GMDS: variants seen among roughly 807,000 people sequenced by gnomAD.
GMDS encodes the protein GDP-mannose 4,6-dehydratase, also known as GDP-mannose 4,6 dehydratase.
Under a neutral mutation model 49.9 loss-of-function variants are expected in GMDS, and 20 were observed. That is an observed-to-expected ratio of 0.40 (90% CI 0.28 to 0.58). The LOEUF is 0.58. Ranked by LOEUF, GMDS falls within the 20% of genes least tolerant of loss-of-function variation. GMDS has a pLI of 0.42. For missense variants in GMDS, 362 were observed against 481.4 expected, an observed-to-expected ratio of 0.75 and a Z score of 2.32; for synonymous variants, 177 against 178.6, an observed-to-expected ratio of 0.99 and a Z score of 0.07.
chr6:1,805,803 T>TA (rs573172964), intron 7 of GMDS, among the ~76,000 whole-genome samples: 10 of 152,226 alleles, frequency 6.6e-5, no homozygotes, highest in Admixed American at 2.0e-4. Flanking sequence ...ATAACCCACA[T>TA]AAGCAAAAGT....
At chr6:1,965,752 G>T (rs2628453) in intron 4 of GMDS, among the ~76,000 whole-genome samples, 1 of 152,132 alleles carries the variant, frequency 6.6e-6, no homozygotes. Flanking sequence ...AGGATTACTC[G>T]AACCCAGGAG....
At chr6:1,655,539 G>A (rs1413958489) in intron 9 of GMDS, among the ~76,000 whole-genome samples, 8 of 146,800 alleles carry the variant, frequency 5.4e-5, no homozygotes, top group African/African-American at 7.5e-5. Flanking sequence ...TTTTTGAGAC[G>A]GAGTCTCGCT....
intron 1 of GMDS, among the ~76,000 whole-genome samples, chr6:2,138,403 T>C (rs1010570949): frequency 6.6e-6 from 1 of 152,230 alleles, no homozygotes; most frequent in Non-Finnish European, 1.5e-5. Context: ...CTCTCCATCT[T>C]AAACTGGCTT....
intron 7 of GMDS, among the ~76,000 whole-genome samples, chr6:1,908,755 G>T (rs547579594): frequency 4.6e-5 from 7 of 152,290 alleles, no homozygotes; most frequent in Middle Eastern, 3.4e-3. Flanking sequence ...TGTTTGCTCA[G>T]ACAGCTGGAC....
At chr6:1,780,451 C>T (rs1769031891) in intron 7 of GMDS, among the ~76,000 whole-genome samples, 1 of 152,226 alleles carries the variant, frequency 6.6e-6, no homozygotes, top group South Asian at 2.1e-4. Flanking sequence ...CCCACAGCTT[C>T]CTGAGAGCGC....
chr6:1,873,401 G>C (rs2113807150), intron 7 of GMDS, among the ~76,000 whole-genome samples: 1 of 152,248 alleles, frequency 6.6e-6, no homozygotes, highest in South Asian at 2.1e-4. Flanking sequence ...GAAGAAGAGT[G>C]CAATGCCACA....
chr6:1,853,805 C>A (rs926639427), intron 7 of GMDS, among the ~76,000 whole-genome samples: 12 of 152,160 alleles, frequency 7.9e-5, no homozygotes, highest in Non-Finnish European at 1.8e-4. Flanking sequence ...TATATCAATT[C>A]TATGTGGATC....
chr6:2,106,958 A>T (rs1395254745), intron 4 of GMDS, among the ~76,000 whole-genome samples: 1 of 152,172 alleles, frequency 6.6e-6, no homozygotes, highest in African/African-American at 2.4e-5. Context: ...AGAAATTAAT[A>T]TTGTGGTAAA....
intron 7 of GMDS, among the ~76,000 whole-genome samples, chr6:1,748,903 T>C (rs998638106): frequency 7.2e-5 from 11 of 152,380 alleles, no homozygotes; most frequent in Admixed American, 7.2e-4. Flanking sequence ...TGTTTGCTTA[T>C]GTTCCTTTTC....
intron 4 of GMDS, among the ~76,000 whole-genome samples, chr6:2,049,292 A>T (rs1170280652): frequency 1.3e-5 from 2 of 152,238 alleles, no homozygotes; most frequent in African/African-American, 4.8e-5. Context: ...TGCAAATATG[A>T]GAGATTTCTT....
At position 1,763,429 on chromosome 6, in the gene GMDS, A is replaced by G. The variant is rs112267252; in HGVS notation, c.772-20843T>C. Reference sequence around the variant, plus strand: ...GAGATAAAACCCCAGCGTCTCCCCAAGAGTAAACCTACTGGCAAGTGATAA... The same window carrying G: ...GAGATAAAACCCCAGCGTCTCCCCAGGAGTAAACCTACTGGCAAGTGATAA... On this transcript the variant is annotated intron_variant, in intron 7 of 10. Transcript: ENST00000380815. Among the ~76,000 whole-genome samples the G allele has an allele frequency of 1.9e-3, 294 of 152,344 alleles. 1 individual carries two copies. The highest frequency in any genetic ancestry group is 6.6e-3 in the African/African-American group (276 of 41,584).
At chr6:2,162,066 C>T (rs996163033) in intron 1 of GMDS, among the ~76,000 whole-genome samples, 1 of 152,172 alleles carries the variant, frequency 6.6e-6, no homozygotes, top group Admixed American at 6.5e-5. Context: ...CTTAATGACA[C>T]AGGAAATTGT....
At chr6:2,196,975 C>T (rs1211427773) in intron 1 of GMDS, among the ~76,000 whole-genome samples, 2 of 152,096 alleles carry the variant, frequency 1.3e-5, no homozygotes, top group East Asian at 1.9e-4. Context: ...GTCAAAAAGC[C>T]AGTGAAAATT....
At chr6:2,200,248 A>T (rs906048888) in intron 1 of GMDS, among the ~76,000 whole-genome samples, 1 of 152,172 alleles carries the variant, frequency 6.6e-6, no homozygotes, top group African/African-American at 2.4e-5. Context: ...AAAACACAGC[A>T]GTGTAAGAGA....
At chr6:1,913,048 G>A (rs1477074436) in intron 7 of GMDS, among the ~76,000 whole-genome samples, 2 of 152,134 alleles carry the variant, frequency 1.3e-5, no homozygotes, top group African/African-American at 4.8e-5. Context: ...ATTGTTATTT[G>A]ATCAAGAAAA....
At chr6:1,827,882 A>G (rs1160551054) in intron 7 of GMDS, among the ~76,000 whole-genome samples, 1 of 152,188 alleles carries the variant, frequency 6.6e-6, no homozygotes, top group African/African-American at 2.4e-5. Flanking sequence ...CCAGGTTTCA[A>G]CAACAATGGA....
intron 1 of GMDS, among the ~76,000 whole-genome samples, chr6:2,242,078 T>C: frequency 6.6e-6 from 1 of 152,126 alleles, no homozygotes; most frequent in East Asian, 1.9e-4. Context: ...ACTTATACAA[T>C]CAACAGGGAC....
chr6:2,162,704 AC>A (rs1777464982), intron 1 of GMDS, among the ~76,000 whole-genome samples: 1 of 142,468 alleles, frequency 7.0e-6, no homozygotes, highest in Non-Finnish European at 1.5e-5. Flanking sequence ...ACACACACAC[AC>A]ACACAAAACT....
chr6:2,154,186 G>C (rs925944352), intron 1 of GMDS, among the ~76,000 whole-genome samples: 1 of 151,896 alleles, frequency 6.6e-6, no homozygotes, highest in Non-Finnish European at 1.5e-5. Flanking sequence ...TATATTTCAG[G>C]GTAGATTTTA....
Sources: allele counts gnomAD v4.1 joint callset (sites outside exome capture counted in the v4.1 genomes callset), GRCh38; gene constraint gnomAD v4.1.1; transcripts MANE v1.5; gene names NCBI Gene and HGNC (gene_info 2026-07-23, HGNC 2026-07-21).